CC2D1B: variants seen among roughly 807,000 people sequenced by gnomAD.
CC2D1B encodes the protein coiled-coil and C2 domain-containing protein 1B.
Under a neutral mutation model 110.8 loss-of-function variants are expected in CC2D1B, and 92 were observed. That is an observed-to-expected ratio of 0.83 (90% CI 0.70 to 0.99). The LOEUF is 0.99. Among genes scored for constraint, CC2D1B ranks in the 50% least tolerant of loss-of-function variants. The probability of loss-of-function intolerance (pLI) is 0.00; values close to 1 mark genes in which losing one functional copy is unlikely to be tolerated. For synonymous variants in CC2D1B, 406 were observed against 429.2 expected, an observed-to-expected ratio of 0.95 and a Z score of 0.67; for missense variants, 1,136 against 1,089.0, an observed-to-expected ratio of 1.04 and a Z score of -0.61.
At position 52,352,812 on chromosome 1, in the gene CC2D1B, TC is replaced by T. The variant is rs1159179792; in HGVS notation, c.*412del. ...TGACACCACCCTCAGCAGGGGAGGT[TC>T]CCGATCACCCTCAAGTTCTCCCATC... is the stretch of plus-strand genomic sequence containing the variant. On this transcript the variant is annotated 3_prime_UTR_variant, in exon 25 of 25. Transcript: ENST00000284376. 6 of 159,076 alleles carry T rather than the reference TC, an allele frequency of 3.8e-5. No homozygotes were observed. The allele number at this position is 159,076 out of a possible 1,614,324, so 9.9% of individuals were successfully genotyped here.
chr1:52,360,008 G>T, intron 7 of CC2D1B, 66 bp downstream of exon 7: 1 of 1,546,180 alleles, frequency 6.5e-7, no homozygotes, highest in Non-Finnish European at 8.7e-7. Context: ...GTGGTGGCAG[G>T]CTGGGGACAC....
At position 52,360,484 on chromosome 1, in the gene CC2D1B, C is replaced by T. The variant is rs760120556; in HGVS notation, c.543G>A (p.Ala181=). The T allele has an allele frequency of 1.9e-5, 30 of 1,613,964 alleles. No individual in the cohort carries two copies. The highest frequency in any genetic ancestry group is 3.3e-5 in the Admixed American group (2 of 60,008). ...CTTCGCCTGCCTCCTTGGCACTGGCCGCAGCCTCTCGGTAGTTGTGAATCC... is the reference window on the plus strand; with the variant it reads ...CTTCGCCTGCCTCCTTGGCACTGGCTGCAGCCTCTCGGTAGTTGTGAATCC... ...EERIHNYREA[A]ASAKEAGEAA... The change falls in exon 6 of 25, where the codon GCG becomes GCA. Residue 181 remains alanine (A), a synonymous_variant. Transcript: ENST00000284376.
chr1:52,364,161 A>G (rs1164817739), intron 2 of CC2D1B, among the ~76,000 whole-genome samples: 3 of 152,222 alleles, frequency 2.0e-5, no homozygotes, highest in African/African-American at 7.2e-5. Flanking sequence ...CCCAGAAGAA[A>G]TAAAGGAAGA....
In CC2D1B at chr1:52,357,862, G is replaced by A. The variant is rs765677079; in HGVS notation, c.1498C>T (p.Pro500Ser). Residue 500 changes from proline to serine, a missense_variant, in exon 14 of 25, where the codon CCT becomes TCT. Transcript: ENST00000284376. ...GATGAAGGGACTGTGGGCCGTGCAG[G>A]TTTCTTGGCCACTGGGGCCTGTGCT... ...PPAQAPVAKK[P>S]ARPTVPSSQR... is the part of the protein sequence containing the mutation. 5.0e-6 allele frequency: 8 copies of A among 1,584,672 alleles called. No homozygotes were observed. In the African/African-American group the frequency reaches 8.1e-5, roughly 16 times the overall value.
At chr1:52,354,495 G>C in intron 23 of CC2D1B, 113 bp downstream of exon 23, 2 of 907,772 alleles carry the variant, frequency 2.2e-6, no homozygotes, top group Non-Finnish European at 3.7e-6. Context: ...CACACTTGTG[G>C]AGAATTTCAA....
In CC2D1B at chr1:52,353,286, G is replaced by GA. The variant is rs1646564467; in HGVS notation, c.*2-64dup. On this transcript the variant is annotated intron_variant, in intron 24 of 24. Coordinates refer to ENST00000284376, the MANE Select transcript of CC2D1B (RefSeq NM_001330585.2). ...CTGCAGTGAAAACACAAAGATTTTA[G>GA]AAAGGGTTTCCTGAAGATAGATAGA... 21 of 1,464,218 alleles carry GA rather than the reference G, an allele frequency of 1.4e-5. No individual in the cohort carries two copies. The South Asian group carries it at 2.7e-4, about 19-fold the overall frequency. The allele number at this position is 1,464,218 out of a possible 1,614,324, so 90.7% of individuals were successfully genotyped here.
chr1:52,358,609 A>G, intron 12 of CC2D1B, 77 bp downstream of exon 12: 4 of 1,566,578 alleles, frequency 2.6e-6, no homozygotes, highest in Non-Finnish European at 2.6e-6. Flanking sequence ...GAGAAGTGGG[A>G]ATCACTGGCT....
Position 52,359,140 on chromosome 1 carries a change from G to A in CC2D1B, c.1144C>T (p.Gln382Ter). The change falls in exon 11 of 25, where the codon CAG becomes TAG. Residue 382 changes from glutamine to a stop codon, truncating the protein, a stop_gained. Transcript: ENST00000284376. LOFTEE classifies it high-confidence loss of function. Reference sequence around the variant, plus strand: ...TGCTGCAGGGCATCCAGCACTGTCTGTGACTCTGTAGGGGCCACTTGAAGG... The same window carrying A: ...TGCTGCAGGGCATCCAGCACTGTCTATGACTCTGTAGGGGCCACTTGAAGG... The part of the protein sequence containing the change: ...PATPVAPTES[Q>*]TVLDALQQRL... The A allele has an allele frequency of 6.2e-7, 1 of 1,611,216 alleles. No homozygotes were observed. The highest frequency in any genetic ancestry group is 8.5e-7 in the Non-Finnish European group (1 of 1,179,880).
chr1:52,358,840 G>A (rs1304314185), intron 11 of CC2D1B, 82 bp from the exon 12 acceptor site: 22 of 1,479,700 alleles, frequency 1.5e-5, no homozygotes, highest in Admixed American at 4.3e-5. Context: ...GTGGGGCAAG[G>A]AGAGGGAGAC....
chr1:52,351,793 A>C lies in CC2D1B; in HGVS notation c.*1432T>G, dbSNP rs1300361964. On this transcript the variant is annotated 3_prime_UTR_variant, in exon 25 of 25. Coordinates refer to ENST00000284376, the MANE Select transcript of CC2D1B (RefSeq NM_001330585.2). ...CAGCTACTCAGGAGACTGACACAGG[A>C]GAATCGCTTGAACCTGGGAGGTGGG... 5 of 151,002 alleles carry C rather than the reference A, an allele frequency of 3.3e-5. No individual in the cohort carries two copies. Among genetic ancestry groups the C allele is most frequent in the East Asian group, 4.0e-4 (2 of 5,028 alleles). The allele number at this position is 151,002 out of a possible 1,614,324, so 9.4% of individuals were successfully genotyped here. A position where few individuals can be genotyped will look rare whatever the true frequency, so the allele number is the denominator to read the frequency against.
chr1:52,365,750 T>C (rs902633376), intron 1 of CC2D1B, among the ~76,000 whole-genome samples: 9 of 152,142 alleles, frequency 5.9e-5, no homozygotes, highest in African/African-American at 2.2e-4. Flanking sequence ...GCCACAGCGC[T>C]GGCGGGGAGA....
chr1:52,360,829 G>A, intron 5 of CC2D1B, 145 bp downstream of exon 5: 2 of 1,079,592 alleles, frequency 1.9e-6, no homozygotes, highest in Non-Finnish European at 2.7e-6. Flanking sequence ...GGAGTTTCTT[G>A]TGCTCAGTTT....
rs776662203 is a variant in CC2D1B at position 52,356,300 on chromosome 1, A to G, written c.1940T>C (p.Phe647Ser). Residue 647 changes from phenylalanine to serine, a missense_variant and splice_region_variant, in exon 18 of 25, where the codon TTT becomes TCT. Coordinates refer to ENST00000284376, the MANE Select transcript of CC2D1B (RefSeq NM_001330585.2). ...CTTGCGGTCCTGAGCAAGCTTCTCA[A>G]ATCTGACAGGGATGGGTATGTCAGC... is the stretch of plus-strand genomic sequence containing the variant. ...HQGNVAETTRFEKLAQDRKKQ... is the reference protein window; with the variant it reads ...HQGNVAETTRSEKLAQDRKKQ... 7 of 1,614,132 alleles carry G rather than the reference A, an allele frequency of 4.3e-6. No homozygotes were observed. Among genetic ancestry groups the G allele is most frequent in the Non-Finnish European group, 5.1e-6 (6 of 1,180,024 alleles).
intron 3 of CC2D1B, among the ~76,000 whole-genome samples, chr1:52,361,886 A>G (rs962712067): frequency 3.9e-5 from 6 of 152,030 alleles, no homozygotes; most frequent in Admixed American, 6.5e-5. Flanking sequence ...ACTCTCTCCA[A>G]CCTCCAACAA....
intron 4 of CC2D1B, 140 bp downstream of exon 4, chr1:52,361,373 C>CCACT (rs1646779199): frequency 3.5e-6 from 5 of 1,444,400 alleles, no homozygotes; most frequent in Non-Finnish European, 3.8e-6. Context: ...GACACGCCAC[C>CCACT]CACTGTACAG....
chr1:52,353,831 G>A (rs1431630845), intron 23 of CC2D1B, 184 bp from the exon 24 acceptor site: 6 of 542,554 alleles, frequency 1.1e-5, no homozygotes, highest in Non-Finnish European at 2.0e-5. Flanking sequence ...GTGGTTTTAG[G>A]TGAGTCTTAT....
chr1:52,356,486 C>A (rs1403303700), intron 16 of CC2D1B, 44 bp from the exon 17 acceptor site: 10 of 1,609,342 alleles, frequency 6.2e-6, no homozygotes, highest in Non-Finnish European at 7.7e-6. Context: ...CAGAGCAGGA[C>A]CTGCCTTGGT....
At position 52,360,138 on chromosome 1, in the gene CC2D1B, G is replaced by C. The variant is rs758010500; in HGVS notation, c.699C>G (p.Ala233=). The part of the protein sequence containing the change: ...PPVALGKRPL[A]PQEPANRSPE... ...GGCTCCTGTTGGCTGGTTCCTGGGG[G>C]GCCAGGGGCCGCTTTCCTAAGGCCA... The change falls in exon 7 of 25, where the codon GCC becomes GCG. Residue 233 remains alanine, a synonymous_variant. Coordinates refer to ENST00000284376, the MANE Select transcript of CC2D1B (RefSeq NM_001330585.2). The C allele has an allele frequency of 3.7e-6, 6 of 1,610,742 alleles. No individual in the cohort carries two copies. Among genetic ancestry groups the C allele is most frequent in the Non-Finnish European group, 5.1e-6 (6 of 1,178,370 alleles).
In CC2D1B at chr1:52,359,630, C is replaced by T. The variant is rs80014343; in HGVS notation, c.942+75G>A. On this transcript the variant is annotated intron_variant, in intron 8 of 24. Transcript: ENST00000284376. ...CACTTAGGCCAATCTCACTCAATCT[C>T]AGTCTAGCTCCCTTTCTGAGCCTGT... 4,037 of 1,552,314 alleles carry T rather than the reference C, an allele frequency of 2.6e-3. 82 individuals carry two copies. The African/African-American group carries it at 0.046, about 18-fold the overall frequency.
Sources: allele counts gnomAD v4.1 joint callset (sites outside exome capture counted in the v4.1 genomes callset), GRCh38; gene constraint gnomAD v4.1.1; transcripts MANE v1.5; gene names NCBI Gene and HGNC (gene_info 2026-07-23, HGNC 2026-07-21).